Variants in COL9A3 observed in about 807,000 individuals in gnomAD.
COL9A3 encodes collagen type IX alpha 3 chain, also known as collagen alpha-3(IX) chain.
A neutral mutation model predicts 110.2 loss-of-function variants in COL9A3; 82 were observed. The observed-to-expected ratio is 0.74, with a 90% CI of 0.62 to 0.89. COL9A3 has a LOEUF of 0.89. Among genes scored for constraint, COL9A3 ranks in the 40% least tolerant of loss-of-function variants. The pLI is 0.00. For synonymous variants in COL9A3, 494 were observed against 403.8 expected, an observed-to-expected ratio of 1.22 and a Z score of -2.68; for missense variants, 1,066 against 981.3, an observed-to-expected ratio of 1.09 and a Z score of -1.15.
At chr20:62,829,705 C>A (rs1245522394) in intron 21 of COL9A3, 24 bp downstream of exon 21, 3 of 1,603,064 alleles carry the variant, frequency 1.9e-6, no homozygotes, top group East Asian at 2.2e-5. Context: ...GCGCCCCAGA[C>A]CCCTCCCCAT....
At chr20:62,830,271 TG>T in intron 22 of COL9A3, 88 bp from the exon 23 acceptor site, 2 of 1,458,108 alleles carry the variant, frequency 1.4e-6, no homozygotes, top group Non-Finnish European at 1.9e-6. Context: ...CCACCCACTC[TG>T]GGGGAAGGCT....
chr20:62,824,093 G>A (rs1408756274), intron 10 of COL9A3, among the ~76,000 whole-genome samples: 1 of 142,874 alleles, frequency 7.0e-6, no homozygotes, highest in Non-Finnish European at 1.5e-5. Context: ...TGGCCTCCTG[G>A]GGCCCCGTCA....
chr20:62,840,730 T>TAA lies in COL9A3; in HGVS notation c.*1_*2dup, dbSNP rs1226684126. The change falls in exon 32 of 32, where the codon TAA becomes TAAAA. Residue 685 remains the stop codon, a frameshift_variant and stop_retained_variant. Coordinates refer to ENST00000649368, the MANE Select transcript of COL9A3 (RefSeq NM_001853.4). LOFTEE classifies it high-confidence loss of function. ...VGEKSGSRSS[*] ...GGAGAAATCAGGCTCTCGAAGCTCATAAAATTCAACGTGAGGAAGCAAGTG... is the reference window on the plus strand; with the variant it reads ...GGAGAAATCAGGCTCTCGAAGCTCATAAAAAATTCAACGTGAGGAAGCAAGTG... 4 of 1,564,894 alleles carry TAA rather than the reference T, an allele frequency of 2.6e-6. No homozygotes were observed. The South Asian group carries it at 4.7e-5, about 18-fold the overall frequency.
intron 10 of COL9A3, 23 bp from the exon 11 acceptor site, chr20:62,824,422 C>G (rs775106866): frequency 6.3e-7 from 1 of 1,589,672 alleles, no homozygotes; most frequent in South Asian, 1.1e-5. Flanking sequence ...TGGGAGGGGT[C>G]TGACTGCTCT....
chr20:62,838,751 G>A lies in COL9A3; in HGVS notation c.1854G>A (p.Gln618=). 1.9e-6 allele frequency: 3 copies of A among 1,551,818 alleles called. No homozygotes were observed. The highest frequency in any genetic ancestry group is 2.6e-6 in the Non-Finnish European group (3 of 1,147,046). ...GGCTGGACGGGCCTGAAGGAGACCAGGGGCCCCAAGGTACGAGTCCACGGC... is the reference window on the plus strand; with the variant it reads ...GGCTGGACGGGCCTGAAGGAGACCAAGGGCCCCAAGGTACGAGTCCACGGC... ...GAGLDGPEGD[Q]GPQGPQGVPG... Residue 618 remains glutamine, a synonymous_variant, in exon 31 of 32, where the codon CAG becomes CAA. Coordinates refer to ENST00000649368, the MANE Select transcript of COL9A3 (RefSeq NM_001853.4).
rs575879412 is a variant in COL9A3, at chr20:62,837,524, G to A, written c.1786+259G>A. 4.6e-5 allele frequency among the ~76,000 whole-genome samples: 7 copies of A among 152,296 alleles called. No individual in the cohort carries two copies. The East Asian group carries it at 5.8e-4, about 13-fold the overall frequency. On this transcript the variant is annotated intron_variant, in intron 30 of 31. Transcript: ENST00000649368. Reference sequence around the variant, plus strand: ...GGGAGGGATTGATTTAAAATGTGACGAAGGCTGGGCGCGGTGGCTCACGCC... The same window carrying A: ...GGGAGGGATTGATTTAAAATGTGACAAAGGCTGGGCGCGGTGGCTCACGCC...
chr20:62,823,995 G>C (rs933840926), intron 10 of COL9A3, among the ~76,000 whole-genome samples: 5 of 149,068 alleles, frequency 3.4e-5, no homozygotes, highest in African/African-American at 1.2e-4. Context: ...TCCCGTCACT[G>C]TGTGGAGTGG....
Position 62,836,467 on chromosome 20 carries a change from G to A in COL9A3, c.1549-11G>A, listed in dbSNP as rs1413452309. On this transcript the variant is annotated splice_polypyrimidine_tract_variant and intron_variant, in intron 28 of 31. Transcript: ENST00000649368. ...GCCCCCATGCTGACGAATGTGTGGG[G>A]TGAATTCCAGGGGAAGGAGGCCAGC... 2.5e-6 allele frequency: 4 copies of A among 1,613,668 alleles called. No homozygotes were observed. The highest frequency in any genetic ancestry group is 1.6e-4 in the Middle Eastern group (1 of 6,062).
Position 62,832,925 on chromosome 20 carries a change from T to TACACC in COL9A3, c.1324-94_1324-90dup. ...TTGGCCTCGACCTTAAGATGAACAT[T>TACACC]ACACCTACGGAGGCTTGAGAGCAGG... On this transcript the variant is annotated intron_variant, in intron 25 of 31. Coordinates refer to ENST00000649368, the MANE Select transcript of COL9A3 (RefSeq NM_001853.4). 3.4e-6 allele frequency: 4 copies of TACACC among 1,187,292 alleles called. No individual in the cohort carries two copies. The Admixed American group carries it at 6.8e-5, about 20-fold the overall frequency. The allele number at this position is 1,187,292 out of a possible 1,614,324, so 73.5% of individuals were successfully genotyped here.
intron 25 of COL9A3, chr20:62,832,731 A>G (rs2063606067): frequency 2.7e-6 from 1 of 365,344 alleles, no homozygotes; most frequent in East Asian, 4.6e-5. Flanking sequence ...AGGCCTTTCC[A>G]TACCGCTGGA....
Position 62,836,543 on chromosome 20 carries a change from C to T in COL9A3, c.1603+11C>T. 6.2e-7 allele frequency: 1 copy of T among 1,606,052 alleles called. No individual in the cohort carries two copies. Among genetic ancestry groups the T allele is most frequent in the East Asian group, 2.2e-5 (1 of 44,608 alleles). On this transcript the variant is annotated intron_variant, in intron 29 of 31. Coordinates refer to ENST00000649368, the MANE Select transcript of COL9A3 (RefSeq NM_001853.4). Reference sequence around the variant, plus strand: ...GGGGGATGATCAGCGGTAAGTCAGCCACGTGCACCGGCTGCAGCGGGGCCC... The same window carrying T: ...GGGGGATGATCAGCGGTAAGTCAGCTACGTGCACCGGCTGCAGCGGGGCCC...
chr20:62,821,368 G>T lies in COL9A3; in HGVS notation c.346-139G>T, dbSNP rs116262146. The T allele has an allele frequency of 2.2e-4, 305 of 1,363,534 alleles. No individual in the cohort carries two copies. In the African/African-American group the frequency reaches 4.0e-3, roughly 18 times the overall value. The allele number at this position is 1,363,534 out of a possible 1,614,324, so 84.5% of individuals were successfully genotyped here. ...AGGCTGGTGCCTGGATGGGGTCCTGGTGCCCTCTCTGGGCTGGGACCAGAC... is the reference window on the plus strand; with the variant it reads ...AGGCTGGTGCCTGGATGGGGTCCTGTTGCCCTCTCTGGGCTGGGACCAGAC... On this transcript the variant is annotated intron_variant, in intron 6 of 31. Transcript: ENST00000649368.
chr20:62,840,320 C>T (rs922195555), intron 31 of COL9A3, among the ~76,000 whole-genome samples: 2 of 152,298 alleles, frequency 1.3e-5, no homozygotes, highest in Admixed American at 1.3e-4. Context: ...CTCTGCACCC[C>T]TGCCTGGGGC....
intron 15 of COL9A3, 133 bp downstream of exon 15, chr20:62,826,953 G>A: frequency 1.0e-6 from 1 of 1,004,436 alleles, no homozygotes; most frequent in Non-Finnish European, 1.5e-6. Flanking sequence ...CACCCTGGGA[G>A]GGCTTGTGGC....
rs911809065 is a variant in COL9A3, at chr20:62,817,317, T to C, written c.78+175T>C. On this transcript the variant is annotated intron_variant, in intron 1 of 31. Coordinates refer to ENST00000649368, the MANE Select transcript of COL9A3 (RefSeq NM_001853.4). Reference sequence around the variant, plus strand: ...CCCGTCCGGCCGCGTCCTCGATGGGTCCTCGCTGGCCCGGGTCGGCCGGCG... The same window carrying C: ...CCCGTCCGGCCGCGTCCTCGATGGGCCCTCGCTGGCCCGGGTCGGCCGGCG... 9.8e-6 allele frequency: 5 copies of C among 510,860 alleles called. No individual in the cohort carries two copies. In the East Asian group the frequency reaches 1.9e-4, roughly 20 times the overall value. The allele number at this position is 510,860 out of a possible 1,614,324, so 31.6% of individuals were successfully genotyped here. A position where few individuals can be genotyped will look rare whatever the true frequency, so the allele number is the denominator to read the frequency against.
chr20:62,832,552 A>G (rs2063604739), intron 25 of COL9A3, among the ~76,000 whole-genome samples: 1 of 152,258 alleles, frequency 6.6e-6, no homozygotes, highest in African/African-American at 2.4e-5. Flanking sequence ...CCTTCCGGAG[A>G]ACTGACAGAG....
intron 2 of COL9A3, 85 bp downstream of exon 2, chr20:62,817,720 G>C (rs1990981505): frequency 1.1e-6 from 1 of 917,894 alleles, no homozygotes; most frequent in Non-Finnish European, 1.6e-6. Flanking sequence ...GCCTGATGGA[G>C]AGAAAACCAG....
Position 62,840,881 on chromosome 20 carries a change from G to A in COL9A3, c.*149G>A. 1 of 818,602 alleles carries A rather than the reference G, an allele frequency of 1.2e-6. No homozygotes were observed. Among genetic ancestry groups the A allele is most frequent in the Admixed American group, 2.2e-5 (1 of 44,548 alleles). The allele number at this position is 818,602 out of a possible 1,614,324, so 50.7% of individuals were successfully genotyped here. On this transcript the variant is annotated 3_prime_UTR_variant, in exon 32 of 32. Coordinates refer to ENST00000649368, the MANE Select transcript of COL9A3 (RefSeq NM_001853.4). ...CCGACTGGACGCGCGGGCCTTGCCA[G>A]CGAGCACCCTCATCGGGCTGTCGCC...
intron 15 of COL9A3, 51 bp from the exon 16 acceptor site, chr20:62,827,190 G>A (rs375457059): frequency 1.5e-5 from 24 of 1,602,318 alleles, no homozygotes; most frequent in East Asian, 1.3e-4. Context: ...CCTACTCTCC[G>A]ACCAACTCCA....
Sources: allele counts gnomAD v4.1 joint callset (sites outside exome capture counted in the v4.1 genomes callset), GRCh38; gene constraint gnomAD v4.1.1; transcripts MANE v1.5; gene names NCBI Gene and HGNC (gene_info 2026-07-23, HGNC 2026-07-21).